HLCS: variants seen among roughly 807,000 people sequenced by gnomAD.
The protein encoded by HLCS is holocarboxylase synthetase.
In HLCS, 53 loss-of-function variants were observed where a neutral mutation model predicts 75.0. The observed-to-expected ratio is 0.71, with a 90% CI of 0.57 to 0.89. HLCS has a LOEUF of 0.89. HLCS is among the 40% of genes least tolerant of loss of function. The probability of loss-of-function intolerance (pLI) is 0.00; values close to 1 mark genes in which losing one functional copy is unlikely to be tolerated. For synonymous variants in HLCS, 431 were observed against 428.6 expected (o/e 1.01, Z -0.07); for missense variants, 966 against 1,074.0 (o/e 0.90, Z 1.41).
chr21:36,938,737 C>T, intron 3 of HLCS, 95 bp downstream of exon 3: 1 of 1,305,268 alleles, frequency 7.7e-7, no homozygotes, highest in Non-Finnish European at 1.1e-6. Flanking sequence ...TCCTGGGCTC[C>T]AAGCGATCCT....
intron 6 of HLCS, among the ~76,000 whole-genome samples, chr21:36,816,369 C>T (rs2061663845): frequency 6.7e-6 from 1 of 149,544 alleles, no homozygotes; most frequent in Admixed American, 6.6e-5. Flanking sequence ...GCACTCCAGC[C>T]TGGGTGACAA....
intron 1 of HLCS, among the ~76,000 whole-genome samples, chr21:36,977,618 T>C (rs9636908): frequency 0.39 from 59,110 of 152,124 alleles, 12,656 homozygotes; most frequent in East Asian, 0.79. Context: ...CAGCCCAATA[T>C]TGAGCCTGTG....
chr21:36,901,546 G>A (rs187030253), intron 5 of HLCS, among the ~76,000 whole-genome samples: 7 of 152,288 alleles, frequency 4.6e-5, no homozygotes, highest in East Asian at 1.9e-4. Context: ...ACACGTCAAC[G>A]GGGCCGTGCC....
chr21:36,973,122 C>T (rs1001638182), intron 1 of HLCS, among the ~76,000 whole-genome samples: 1 of 151,442 alleles, frequency 6.6e-6, no homozygotes, highest in East Asian at 1.9e-4. Context: ...GACAGCTTCT[C>T]GGGAGGCTGA....
At chr21:36,824,165 C>T (rs944761599) in intron 6 of HLCS, among the ~76,000 whole-genome samples, 2 of 152,118 alleles carry the variant, frequency 1.3e-5, no homozygotes, top group African/African-American at 4.8e-5. Flanking sequence ...CCACTATTCA[C>T]AATGGCAAAG....
intron 5 of HLCS, among the ~76,000 whole-genome samples, chr21:36,909,960 G>A (rs1027325796): frequency 6.6e-6 from 1 of 152,176 alleles, no homozygotes; most frequent in Non-Finnish European, 1.5e-5. Context: ...AAGATTAGTT[G>A]TGCTTCAGTC....
At position 36,903,679 on chromosome 21, in the gene HLCS, T is replaced by C. The variant is rs190319618; in HGVS notation, c.1621-6548A>G. ...TATCCTCTAAAGTGAATCATCCAGA[T>C]TGACTATGGTATACATCATTCATTT... On this transcript the variant is annotated intron_variant, in intron 5 of 10. Transcript: ENST00000674895. Among the ~76,000 whole-genome samples, 286 of 152,300 alleles carry C rather than the reference T, an allele frequency of 1.9e-3. 2 individuals are homozygous for C. The highest frequency in any genetic ancestry group is 6.3e-3 in the African/African-American group (263 of 41,574).
chr21:36,847,705 C>T (rs1003732895), intron 6 of HLCS, among the ~76,000 whole-genome samples: 3 of 152,088 alleles, frequency 2.0e-5, no homozygotes, highest in Admixed American at 6.6e-5. Flanking sequence ...ATGCCAAAAA[C>T]GTGACTCTAT....
At chr21:36,825,746 A>G (rs12627703) in intron 6 of HLCS, among the ~76,000 whole-genome samples, 71,673 of 152,068 alleles carry the variant, frequency 0.47, 19,580 homozygotes, top group African/African-American at 0.76. Context: ...CGGCAATGCC[A>G]CAGCATGACT....
intron 6 of HLCS, among the ~76,000 whole-genome samples, chr21:36,814,932 TGGA>T (rs2061615819): frequency 6.7e-6 from 1 of 149,818 alleles, no homozygotes; most frequent in Non-Finnish European, 1.5e-5. Flanking sequence ...GAGAAGCAGG[TGGA>T]GGAGTGGGGG....
At chr21:36,947,096 G>A (rs907679231) in intron 2 of HLCS, among the ~76,000 whole-genome samples, 7 of 152,168 alleles carry the variant, frequency 4.6e-5, no homozygotes, top group Non-Finnish European at 8.8e-5. Flanking sequence ...AAAGGAGGAG[G>A]AGAACCGCTC....
chr21:36,948,715 T>G, intron 2 of HLCS, among the ~76,000 whole-genome samples: 2 of 101,848 alleles, frequency 2.0e-5, no homozygotes, highest in African/African-American at 4.2e-5. Flanking sequence ...GATGACAGAA[T>G]GAGACCCTGT....
intron 5 of HLCS, among the ~76,000 whole-genome samples, chr21:36,908,282 A>G (rs1030589999): frequency 4.6e-5 from 7 of 152,008 alleles, no homozygotes; most frequent in African/African-American, 1.7e-4. Context: ...CCAGCTATTC[A>G]GGAGGTTGAG....
intron 6 of HLCS, among the ~76,000 whole-genome samples, chr21:36,772,638 CAAAAA>C (rs34788426): frequency 4.9e-5 from 4 of 80,846 alleles, no homozygotes; most frequent in Non-Finnish European, 7.1e-5. Flanking sequence ...GACACTGTCT[CAAAAA>C]AAAAAAAAAA....
At chr21:36,800,822 G>A (rs762206945) in intron 6 of HLCS, among the ~76,000 whole-genome samples, 12 of 151,964 alleles carry the variant, frequency 7.9e-5, no homozygotes, top group Admixed American at 4.6e-4. Context: ...ACTTCACAAC[G>A]CAAGCCCAGG....
Position 36,962,190 on chromosome 21 carries a change from T to A in HLCS, c.196-20A>T. 1 of 1,219,292 alleles carries A rather than the reference T, an allele frequency of 8.2e-7. No individual in the cohort carries two copies. Among genetic ancestry groups the A allele is most frequent in the Non-Finnish European group, 1.1e-6 (1 of 927,756 alleles). 75.5% of individuals were successfully genotyped at this position (1,219,292 alleles called of 1,614,324 possible). A position where few individuals can be genotyped will look rare whatever the true frequency, so the allele number is the denominator to read the frequency against. ...AATGGACTGTATAGAGGGAAAGAAA[T>A]ATAATGAGATTGTCACTTCATACCA... On this transcript the variant is annotated intron_variant, in intron 1 of 10. Coordinates refer to ENST00000674895, the MANE Select transcript of HLCS (RefSeq NM_001352514.2).
intron 5 of HLCS, among the ~76,000 whole-genome samples, chr21:36,915,179 C>T (rs2065882237): frequency 6.6e-6 from 1 of 152,236 alleles, no homozygotes; most frequent in African/African-American, 2.4e-5. Context: ...AGCTCTGCCA[C>T]CATCAGCTGT....
intron 6 of HLCS, among the ~76,000 whole-genome samples, chr21:36,861,514 T>C (rs1270950879): frequency 1.3e-5 from 2 of 152,160 alleles, no homozygotes; most frequent in Admixed American, 6.5e-5. Context: ...TAGTACCCAA[T>C]AGATTTTTTC....
At chr21:36,901,964 T>C (rs1483997267) in intron 5 of HLCS, among the ~76,000 whole-genome samples, 1 of 152,060 alleles carries the variant, frequency 6.6e-6, no homozygotes, top group East Asian at 1.9e-4. Context: ...CAAGTGTGTC[T>C]GTGGACAGCA....
Sources: gnomAD v4.1 joint callset for allele counts (sites outside exome capture counted in the v4.1 genomes callset) on GRCh38, gnomAD v4.1.1 for gene constraint, MANE v1.5 for transcripts, NCBI Gene and HGNC (gene_info 2026-07-23, HGNC 2026-07-21) for gene names.